MORN4: variants seen among roughly 807,000 people sequenced by gnomAD.
MORN4 encodes the protein MORN repeat-containing protein 4.
A neutral mutation model predicts 16.4 loss-of-function variants in MORN4; 8 were observed. The observed-to-expected ratio is 0.49, with a 90% CI of 0.29 to 0.88. The LOEUF (loss-of-function observed/expected upper bound fraction) is 0.88, where lower values mean the gene tolerates loss of function less well. MORN4 is among the 40% of genes least tolerant of loss of function. MORN4 has a pLI of 0.09. For synonymous variants in MORN4, 53 were observed against 68.9 expected (o/e 0.77, Z 1.14); for missense variants, 159 against 182.9 (o/e 0.87, Z 0.75).
intron 1 of MORN4, among the ~76,000 whole-genome samples, chr10:97,621,001 A>G (rs2041286864): frequency 6.6e-6 from 1 of 151,862 alleles, no homozygotes; most frequent in African/African-American, 2.4e-5. Context: ...GGCACCTGTA[A>G]TCCCAGCTAC....
Position 97,616,712 on chromosome 10 carries a change from C to T in MORN4, c.258G>A (p.Glu86=), listed in dbSNP as rs775427578. 7.4e-6 allele frequency: 12 copies of T among 1,614,036 alleles called. No homozygotes were observed. The African/African-American group carries it at 1.5e-4, about 20-fold the overall frequency. The part of the protein sequence containing the change: ...VFIRYDNMTF[E]GEFKNGRVDG... ...CTACTCTGCCATTTTTAAATTCCCCCTCAAAGGTCATGTTGTCATATCGAA... is the reference window on the plus strand; with the variant it reads ...CTACTCTGCCATTTTTAAATTCCCCTTCAAAGGTCATGTTGTCATATCGAA... The change falls in exon 4 of 5, where the codon GAG becomes GAA. Residue 86 remains glutamate (E), a synonymous_variant. Coordinates refer to ENST00000307450, the MANE Select transcript of MORN4 (RefSeq NM_178832.4).
intron 1 of MORN4, among the ~76,000 whole-genome samples, chr10:97,630,229 G>A (rs966915973): frequency 6.6e-6 from 1 of 150,846 alleles, no homozygotes; most frequent in Non-Finnish European, 1.5e-5. Context: ...GCCCGGCCCC[G>A]GCTAATTTTT....
rs1265808933 is a variant in MORN4, at chr10:97,616,384, T to C, written c.320A>G (p.His107Arg). ...FGLLTFPDGSHGIPRNEGLFE... is the reference protein window; with the variant it reads ...FGLLTFPDGSRGIPRNEGLFE... ...GAGACCTTCATTGCGGGGGATTCCA[T>C]GAGAACCATCAGGGAAAGTCAGCAG... The change falls in exon 5 of 5, where the codon CAT becomes CGT. Residue 107 changes from histidine (H) to arginine (R), a missense_variant. His to Arg is a conservative substitution (Grantham distance 29). Coordinates refer to ENST00000307450, the MANE Select transcript of MORN4 (RefSeq NM_178832.4). The C allele has an allele frequency of 4.3e-6, 7 of 1,609,494 alleles. No homozygotes were observed.
rs2041223389 is a variant in MORN4 at position 97,614,880 on chromosome 10, G to C, written c.*1383C>G. 1 of 152,482 alleles carries C rather than the reference G, an allele frequency of 6.6e-6. No individual in the cohort carries two copies. The highest frequency in any genetic ancestry group is 1.5e-5 in the Non-Finnish European group (1 of 68,066). 9.4% of individuals were successfully genotyped at this position (152,482 alleles called of 1,614,324 possible). A position where few individuals can be genotyped will look rare whatever the true frequency, so the allele number is the denominator to read the frequency against. The stretch of plus-strand genomic sequence containing the variant: ...GTCCAATTCTACCAAAACCCCAGGG[G>C]TTCGGGTGAGTCTGATTTATTGGTC... On this transcript the variant is annotated 3_prime_UTR_variant, in exon 5 of 5. Transcript: ENST00000307450.
intron 1 of MORN4, among the ~76,000 whole-genome samples, chr10:97,628,467 C>T (rs370083144): frequency 2.6e-5 from 4 of 152,120 alleles, no homozygotes; most frequent in East Asian, 3.8e-4. Flanking sequence ...GGGAACATTT[C>T]TCCAGTTTGA....
intron 1 of MORN4, among the ~76,000 whole-genome samples, chr10:97,626,020 A>G (rs1056781985): frequency 6.6e-5 from 10 of 151,096 alleles, no homozygotes; most frequent in African/African-American, 2.2e-4. Context: ...TTGGCCTCCG[A>G]AAGTGCTAGG....
At chr10:97,628,436 A>G (rs1383630646) in intron 1 of MORN4, among the ~76,000 whole-genome samples, 1 of 152,230 alleles carries the variant, frequency 6.6e-6, no homozygotes, top group East Asian at 1.9e-4. Context: ...CAGAAGGAAC[A>G]GTATAAGATT....
Position 97,633,279 on chromosome 10 carries a change from G to A in MORN4, c.-31+68C>T. On this transcript the variant is annotated intron_variant, in intron 1 of 4. Transcript: ENST00000307450. The surrounding 1 kb of genome is among the most constrained non-coding windows in gnomAD (Gnocchi z 4.5). ...CCCGAGCCGGGTCATCTCGTGCTCC[G>A]TTCCTCAGTGCCCACCTGACCGATC... The A allele has an allele frequency of 1.6e-6, 2 of 1,268,730 alleles. No individual in the cohort carries two copies. The highest frequency in any genetic ancestry group is 1.0e-6 in the Non-Finnish European group (1 of 976,854). The allele number at this position is 1,268,730 out of a possible 1,614,324, so 78.6% of individuals were successfully genotyped here.
At position 97,617,332 on chromosome 10, in the gene MORN4, G is replaced by A. The variant is rs377448260; in HGVS notation, c.68-10C>T. On this transcript the variant is annotated splice_polypyrimidine_tract_variant and intron_variant, in intron 2 of 4. Coordinates refer to ENST00000307450, the MANE Select transcript of MORN4 (RefSeq NM_178832.4). ...AAACCATGCCTGCGGCCTGAACAAA[G>A]AGAAGGATAGGTGTCAGGTTGGAAG... The A allele has an allele frequency of 1.2e-5, 19 of 1,612,130 alleles. No homozygotes were observed. The highest frequency in any genetic ancestry group is 1.6e-5 in the Non-Finnish European group (19 of 1,178,318).
At chr10:97,621,123 G>GAAAT (rs35172768) in intron 1 of MORN4, among the ~76,000 whole-genome samples, 7,710 of 149,718 alleles carry the variant, frequency 0.051, 219 homozygotes, top group Middle Eastern at 0.11. Flanking sequence ...TCTGTCTCGA[G>GAAAT]AAATAAATAA....
chr10:97,624,117 C>T (rs990307507), intron 1 of MORN4, among the ~76,000 whole-genome samples: 1 of 152,106 alleles, frequency 6.6e-6, no homozygotes, highest in Non-Finnish European at 1.5e-5. Context: ...AAGCCAAAAC[C>T]TCATCCAGTC....
intron 1 of MORN4, among the ~76,000 whole-genome samples, chr10:97,631,489 C>T (rs2041395025): frequency 6.6e-6 from 1 of 152,000 alleles, no homozygotes; most frequent in East Asian, 1.9e-4. Context: ...TTCTTATTTC[C>T]AAACAGAACT....
chr10:97,616,423 G>A lies in MORN4; in HGVS notation c.293-12C>T. On this transcript the variant is annotated splice_polypyrimidine_tract_variant and intron_variant, in intron 4 of 4. Transcript: ENST00000307450. ...GAAAGTCAGCAGGCCTTTGAGGAGG[G>A]CAGAGAAAATATGGGAGTGACAATG... is the stretch of plus-strand genomic sequence containing the variant. The A allele has an allele frequency of 3.8e-6, 6 of 1,584,784 alleles. No individual in the cohort carries two copies. The highest frequency in any genetic ancestry group is 2.7e-5 in the African/African-American group (2 of 73,812).
chr10:97,630,463 C>T (rs1007565123), intron 1 of MORN4, among the ~76,000 whole-genome samples: 1 of 152,212 alleles, frequency 6.6e-6, no homozygotes, highest in Non-Finnish European at 1.5e-5. Flanking sequence ...TCCCACCATC[C>T]TCTCCCATTG....
chr10:97,632,703 A>ATTTTTTT (rs552637866), intron 1 of MORN4, among the ~76,000 whole-genome samples: 1 of 143,312 alleles, frequency 7.0e-6, no homozygotes, highest in Non-Finnish European at 1.5e-5. Context: ...CGCCAAAAAG[A>ATTTTTTT]TTTTTTTTTT....
At position 97,633,480 on chromosome 10, in the gene MORN4, G is replaced by T. The variant is rs1440873547; in HGVS notation, c.-164C>A. 2.3e-6 allele frequency: 3 copies of T among 1,289,820 alleles called. No homozygotes were observed. Among genetic ancestry groups the T allele is most frequent in the Non-Finnish European group, 3.0e-6 (3 of 988,834 alleles). The allele number at this position is 1,289,820 out of a possible 1,614,324, so 79.9% of individuals were successfully genotyped here. A position where few individuals can be genotyped will look rare whatever the true frequency, so the allele number is the denominator to read the frequency against. ...ACCAGCGATTGCCCCACTTGACGCC[G>T]CCATCCTGGGCGACCGCACTGGGTA... On this transcript the variant is annotated 5_prime_UTR_variant, in exon 1 of 5. Coordinates refer to ENST00000307450, the MANE Select transcript of MORN4 (RefSeq NM_178832.4). This position sits in a 1 kb window ranked among gnomAD's most constrained non-coding sequence, Gnocchi z 4.5.
intron 1 of MORN4, among the ~76,000 whole-genome samples, chr10:97,621,197 T>C (rs1184069327): frequency 6.6e-6 from 1 of 152,104 alleles, no homozygotes; most frequent in African/African-American, 2.4e-5. Context: ...TCTCATTTTA[T>C]AGGAGAAATA....
chr10:97,621,214 C>G (rs561537385), intron 1 of MORN4, among the ~76,000 whole-genome samples: 103 of 152,086 alleles, frequency 6.8e-4, no homozygotes, highest in Non-Finnish European at 2.4e-4. Context: ...AATAGAAGCC[C>G]AGAGAGGTAA....
chr10:97,633,569 C>T, upstream of MORN4: 1 of 1,289,868 alleles, frequency 7.8e-7, no homozygotes, highest in South Asian at 1.2e-5. This position sits in a 1 kb window ranked among gnomAD's most constrained non-coding sequence, Gnocchi z 4.5. Context: ...CGCATTGGCC[C>T]AGCCCGGCTC....
Sources: allele counts gnomAD v4.1 joint callset (sites outside exome capture counted in the v4.1 genomes callset), GRCh38; gene constraint gnomAD v4.1.1; non-coding constraint Gnocchi (gnomAD v3.1); transcripts MANE v1.5; gene names NCBI Gene and HGNC (gene_info 2026-07-23, HGNC 2026-07-21).